Variants in FBXL19 observed in about 807,000 individuals in gnomAD.
FBXL19 encodes the protein F-box/LRR-repeat protein 19.
Under a neutral mutation model 71.2 loss-of-function variants are expected in FBXL19, and 16 were observed. That is an observed-to-expected ratio of 0.22 (90% CI 0.15 to 0.34). The LOEUF is 0.34. Ranked by LOEUF, FBXL19 falls within the 10% of genes least tolerant of loss-of-function variation. The pLI, the probability that FBXL19 is intolerant of heterozygous loss-of-function variation, is 1.00. For missense variants in FBXL19, 658 were observed against 968.2 expected (o/e 0.68, Z 4.25); for synonymous variants, 447 against 409.4 (o/e 1.09, Z -1.11).
At chr16:30,935,934 C>G (rs2055727658) in intron 7 of FBXL19, among the ~76,000 whole-genome samples, 1 of 152,170 alleles carries the variant, frequency 6.6e-6, no homozygotes, top group South Asian at 2.1e-4. Context: ...GTGTCATTCT[C>G]CAGCTTAGAA....
At position 30,942,178 on chromosome 16, in the gene FBXL19, C is replaced by T; in HGVS notation, c.1364C>T (p.Pro455Leu). The T allele has an allele frequency of 6.3e-7, 1 of 1,597,080 alleles. No homozygotes were observed. Among genetic ancestry groups the T allele is most frequent in the Non-Finnish European group, 8.5e-7 (1 of 1,172,074 alleles). ...DLSRRKSLTPPMLSGVVRRQP... is the reference protein window; with the variant it reads ...DLSRRKSLTPLMLSGVVRRQP... ...AGCCGGCGGAAGTCACTGACCCCGC[C>T]CATGCTCAGTGGTGTGGTTCGCCGC... The change falls in exon 8 of 11, where the codon CCC becomes CTC. Residue 455 changes from proline to leucine, a missense_variant. By Grantham distance (98) the Pro-to-Leu change is moderately conservative. This residue lies in a region of FBXL19 where 38 missense variants were observed against 92.3 expected (regional missense o/e 0.41). Transcript: ENST00000338343. This position sits in a 1 kb window ranked among gnomAD's most constrained non-coding sequence, Gnocchi z 5.7.
chr16:30,946,949 G>T lies in FBXL19; in HGVS notation c.1846+1G>T. The T allele has an allele frequency of 6.2e-7, 1 of 1,604,358 alleles. No homozygotes were observed. ...ACCCTGGTGCACCTCAATCTTGCTGGTAAGCACGGTCCCCCATCCGTCCTG... is the reference window on the plus strand; with the variant it reads ...ACCCTGGTGCACCTCAATCTTGCTGTTAAGCACGGTCCCCCATCCGTCCTG... On this transcript the variant is annotated splice_donor_variant, in intron 10 of 10. Coordinates refer to ENST00000338343, the MANE Select transcript of FBXL19 (RefSeq NM_001382779.1). LOFTEE classifies it high-confidence loss of function. The surrounding 1 kb of genome is among the most constrained non-coding windows in gnomAD (Gnocchi z 6.7).
chr16:30,942,005 C>A lies in FBXL19; in HGVS notation c.1302-111C>A. 8.0e-7 allele frequency: 1 copy of A among 1,243,708 alleles called. No homozygotes were observed. The highest frequency in any genetic ancestry group is 1.1e-6 in the Non-Finnish European group (1 of 938,322). 77.0% of individuals were successfully genotyped at this position (1,243,708 alleles called of 1,614,324 possible). ...CAGGTGCTTCTTGCTACCCTGTTGTCTGTGTGGCCAGAAGAGAGCTGGGGT... is the reference window on the plus strand; with the variant it reads ...CAGGTGCTTCTTGCTACCCTGTTGTATGTGTGGCCAGAAGAGAGCTGGGGT... On this transcript the variant is annotated intron_variant, in intron 7 of 10. Coordinates refer to ENST00000338343, the MANE Select transcript of FBXL19 (RefSeq NM_001382779.1). The surrounding 1 kb of genome is among the most constrained non-coding windows in gnomAD (Gnocchi z 5.7).
intron 7 of FBXL19, among the ~76,000 whole-genome samples, chr16:30,936,915 G>C (rs555640863): frequency 6.7e-6 from 1 of 149,802 alleles, no homozygotes; most frequent in African/African-American, 2.5e-5. Flanking sequence ...GCTAATTTTT[G>C]TATTTTTAGT....
intron 6 of FBXL19, 143 bp from the exon 7 acceptor site, chr16:30,929,930 G>T: frequency 9.6e-7 from 1 of 1,040,320 alleles, no homozygotes; most frequent in Non-Finnish European, 1.4e-6. Context: ...GCTTTAGCAA[G>T]GTCTCTCACT....
At chr16:30,929,363 A>G (rs1431230250) in intron 6 of FBXL19, among the ~76,000 whole-genome samples, 1 of 152,142 alleles carries the variant, frequency 6.6e-6, no homozygotes, top group Non-Finnish European at 1.5e-5. Flanking sequence ...TCGTGGGGCC[A>G]ATCACTGTTA....
Position 30,947,926 on chromosome 16 carries a change from G to A in FBXL19, c.*696G>A, listed in dbSNP as rs1281549815. The A allele has an allele frequency of 2.2e-6, 1 of 452,584 alleles. No homozygotes were observed. The highest frequency in any genetic ancestry group is 4.4e-6 in the Non-Finnish European group (1 of 224,954). The allele number at this position is 452,584 out of a possible 1,614,324, so 28.0% of individuals were successfully genotyped here. The stretch of plus-strand genomic sequence containing the variant: ...GCTATTGCAAGGAGTGGGGGCCGCG[G>A]GCAGCCGCTCTTCAGCTCGCGGCCC... On this transcript the variant is annotated 3_prime_UTR_variant, in exon 11 of 11. Coordinates refer to ENST00000338343, the MANE Select transcript of FBXL19 (RefSeq NM_001382779.1).
At chr16:30,936,820 G>A (rs1425168895) in intron 7 of FBXL19, among the ~76,000 whole-genome samples, 1 of 148,604 alleles carries the variant, frequency 6.7e-6, no homozygotes, top group Non-Finnish European at 1.5e-5. Flanking sequence ...TCGGCTCACT[G>A]CAACCTCTGC....
intron 3 of FBXL19, 24 bp from the exon 4 acceptor site, chr16:30,927,549 C>A (rs1275695011): frequency 9.6e-6 from 15 of 1,554,832 alleles, no homozygotes; most frequent in East Asian, 7.3e-5. Flanking sequence ...GCCAACCCCC[C>A]ACTCACTGCC....
At chr16:30,945,662 CAAAA>C (rs1026782160) in intron 9 of FBXL19, among the ~76,000 whole-genome samples, 2 of 72,990 alleles carry the variant, frequency 2.7e-5, no homozygotes, top group Non-Finnish European at 5.5e-5. Flanking sequence ...GACTCCATCT[CAAAA>C]AAAAAAAAAA....
rs898364875 is a variant in FBXL19 at position 30,930,706 on chromosome 16, T to G, written c.1301+122T>G. The stretch of plus-strand genomic sequence containing the variant: ...TTATATTGGGGATACTTCTCTAGTA[T>G]GCACAGATTACAGTGCATCCTTCCG... On this transcript the variant is annotated intron_variant, in intron 7 of 10. Transcript: ENST00000338343. This position sits in a 1 kb window ranked among gnomAD's most constrained non-coding sequence, Gnocchi z 8.5. 5.7e-5 allele frequency: 62 copies of G among 1,086,546 alleles called. No homozygotes were observed. Among genetic ancestry groups the G allele is most frequent in the Non-Finnish European group, 7.2e-5 (59 of 822,992 alleles). The allele number at this position is 1,086,546 out of a possible 1,614,324, so 67.3% of individuals were successfully genotyped here. A position where few individuals can be genotyped will look rare whatever the true frequency, so the allele number is the denominator to read the frequency against.
rs1262448966 is a variant in FBXL19 at position 30,947,871 on chromosome 16, C to T, written c.*641C>T. 2.2e-6 allele frequency: 1 copy of T among 454,556 alleles called. No individual in the cohort carries two copies. The highest frequency in any genetic ancestry group is 2.4e-5 in the Admixed American group (1 of 42,444). The allele number at this position is 454,556 out of a possible 1,614,324, so 28.2% of individuals were successfully genotyped here. On this transcript the variant is annotated 3_prime_UTR_variant, in exon 11 of 11. Coordinates refer to ENST00000338343, the MANE Select transcript of FBXL19 (RefSeq NM_001382779.1). ...AGGCTTCAGTTCCTTCCCCCTGACC[C>T]TGACTCCTTGAACGTCACTGAAAAC...
chr16:30,935,342 G>A (rs896091196), intron 7 of FBXL19, among the ~76,000 whole-genome samples: 8 of 152,198 alleles, frequency 5.3e-5, no homozygotes, highest in African/African-American at 1.4e-4. Flanking sequence ...AGAGGGTGGC[G>A]CTGGAGAGGC....
intron 2 of FBXL19, among the ~76,000 whole-genome samples, chr16:30,926,307 G>A (rs1019545473): frequency 1.3e-5 from 2 of 152,190 alleles, no homozygotes; most frequent in African/African-American, 2.4e-5. Flanking sequence ...CTCACCCAGG[G>A]TGGTCTTGGA....
Position 30,947,815 on chromosome 16 carries a change from T to TG in FBXL19, c.*590dup, listed in dbSNP as rs1476588005. 1 of 445,246 alleles carries TG rather than the reference T, an allele frequency of 2.2e-6. No homozygotes were observed. Among genetic ancestry groups the TG allele is most frequent in the South Asian group, 1.6e-5 (1 of 63,326 alleles). The allele number at this position is 445,246 out of a possible 1,614,324, so 27.6% of individuals were successfully genotyped here. A position where few individuals can be genotyped will look rare whatever the true frequency, so the allele number is the denominator to read the frequency against. Reference sequence around the variant, plus strand: ...AGGTGTGGGGACAGCAATACCCCCTTGGGGGTCACCTCTCTGCTTCCCCCC... The same window carrying TG: ...AGGTGTGGGGACAGCAATACCCCCTTGGGGGGTCACCTCTCTGCTTCCCCCC... On this transcript the variant is annotated 3_prime_UTR_variant, in exon 11 of 11. Transcript: ENST00000338343.
At chr16:30,923,564 G>A (rs1415095229), upstream of FBXL19, among the ~76,000 whole-genome samples, 1 of 139,752 alleles carries the variant, frequency 7.2e-6, no homozygotes, top group Non-Finnish European at 1.6e-5. Context: ...GAGGGGAGGG[G>A]AGGGGGGAAG....
At chr16:30,936,902 C>G (rs2055743887) in intron 7 of FBXL19, among the ~76,000 whole-genome samples, 1 of 151,154 alleles carries the variant, frequency 6.6e-6, no homozygotes, top group Non-Finnish European at 1.5e-5. Flanking sequence ...GCCACCACAC[C>G]CAGCTAATTT....
At position 30,923,816 on chromosome 16, in the gene FBXL19, G is replaced by T. The variant is rs1224143670; in HGVS notation, c.-668G>T. Among the ~76,000 whole-genome samples the T allele has an allele frequency of 1.3e-4, 19 of 150,914 alleles. No homozygotes were observed. Among genetic ancestry groups the T allele is most frequent in the African/African-American group, 3.9e-4 (16 of 41,090 alleles). On this transcript the variant is annotated 5_prime_UTR_variant, in exon 1 of 11. Transcript: ENST00000338343. ...CTTGGGGGAGGGGGAGAGGTCGGGG[G>T]TGCGCGCGGGCTGGGGGGGGCGGGG...
At chr16:30,939,110 C>T (rs1474137382) in intron 7 of FBXL19, among the ~76,000 whole-genome samples, 1 of 151,986 alleles carries the variant, frequency 6.6e-6, no homozygotes, top group African/African-American at 2.4e-5. Flanking sequence ...CTCGCTCTGT[C>T]ACCCAGGCTG....
Sources: gnomAD v4.1 joint callset for allele counts (sites outside exome capture counted in the v4.1 genomes callset) on GRCh38, gnomAD v4.1.1 for gene constraint, gnomAD v4.1.1 regional missense constraint, Gnocchi (gnomAD v3.1) non-coding constraint, MANE v1.5 for transcripts, NCBI Gene and HGNC (gene_info 2026-07-23, HGNC 2026-07-21) for gene names.